CNNM1: variants seen among roughly 807,000 people sequenced by gnomAD.
CNNM1 encodes the protein cyclin and CBS domain divalent metal cation transport mediator 1.
In CNNM1, 44 loss-of-function variants were observed where a neutral mutation model predicts 78.8. The ratio of observed to expected loss-of-function variants is 0.56; its 90% CI spans 0.44 to 0.72. CNNM1 has a LOEUF of 0.72. CNNM1 is among the 30% of genes least tolerant of loss of function. CNNM1 has a pLI of 0.00. For missense variants in CNNM1, 1,101 were observed against 1,292.2 expected, an observed-to-expected ratio of 0.85 and a Z score of 2.27; for synonymous variants, 584 against 581.5, an observed-to-expected ratio of 1.00 and a Z score of -0.06.
In CNNM1 at chr10:99,330,074, G is replaced by A. The variant is rs1265768779; in HGVS notation, c.687G>A (p.Ala229=). 22 of 1,520,660 alleles carry A rather than the reference G, an allele frequency of 1.4e-5. No individual in the cohort carries two copies. Among genetic ancestry groups the A allele is most frequent in the East Asian group, 7.9e-5 (3 of 38,140 alleles). 94.2% of individuals were successfully genotyped at this position (1,520,660 alleles called of 1,614,324 possible). Residue 229 remains alanine, a synonymous_variant, in exon 1 of 11, where the codon GCG becomes GCA. Transcript: ENST00000356713. ...CTGCGTGGCTGCGGGCGCTCGGGGC[G>A]CTCCTGCTGCTAGCCTTGTCGGCCC... is the stretch of plus-strand genomic sequence containing the variant. ...LPPAWLRALG[A]LLLLALSALF... is the part of the protein sequence containing the mutation.
intron 6 of CNNM1, among the ~76,000 whole-genome samples, chr10:99,374,285 G>T (rs1360217672): frequency 1.3e-5 from 2 of 152,158 alleles, no homozygotes; most frequent in Admixed American, 1.3e-4. Context: ...AGTCACTCTG[G>T]AGAAGGGTCT....
chr10:99,387,065 A>C (rs936404160), intron 7 of CNNM1, among the ~76,000 whole-genome samples: 4 of 152,208 alleles, frequency 2.6e-5, no homozygotes, highest in African/African-American at 9.7e-5. Context: ...AAGGATTCAC[A>C]GTGCCAGTCT....
chr10:99,354,934 C>T (rs2134038144), intron 1 of CNNM1, among the ~76,000 whole-genome samples: 1 of 152,172 alleles, frequency 6.6e-6, no homozygotes, highest in South Asian at 2.1e-4. Flanking sequence ...ATGATCAGAT[C>T]AGTACAGAAG....
chr10:99,340,876 T>TCCTGCCTTCCTGCCTGCCTG (rs2030426631), intron 1 of CNNM1, among the ~76,000 whole-genome samples: 1 of 138,156 alleles, frequency 7.2e-6, no homozygotes, highest in East Asian at 2.1e-4. Context: ...CTTCCTTCCT[T>TCCTGCCTTCCTGCCTGCCTG]CCTGCCTGCC....
In CNNM1 at chr10:99,330,867, C is replaced by G. The variant is rs548353135; in HGVS notation, c.1480C>G (p.Pro494Ala). ...LAFVDPDDCT[P>A]LLTVTRFYNR... ...CTTCGTGGACCCCGACGACTGCACC[C>G]CGCTCCTCACTGTCACCCGCTTCTA... Residue 494 changes from proline (P) to alanine (A), a missense_variant, in exon 1 of 11, where the codon CCG becomes GCG. Transcript: ENST00000356713. 6.2e-7 allele frequency: 1 copy of G among 1,614,178 alleles called. No homozygotes were observed. The highest frequency in any genetic ancestry group is 1.1e-5 in the South Asian group (1 of 91,090).
Position 99,356,604 on chromosome 10 carries a change from G to GAAAGAAAT in CNNM1, c.1574-905_1574-904insGAAATAAA, listed in dbSNP as rs1469805680. 1.9e-4 allele frequency among the ~76,000 whole-genome samples: 12 copies of GAAAGAAAT among 64,760 alleles called. No individual in the cohort carries two copies. In the East Asian group the frequency reaches 6.6e-3, roughly 35 times the overall value. 42.5% of individuals were successfully genotyped at this position (64,760 alleles called of 152,430 possible). A position where few individuals can be genotyped will look rare whatever the true frequency, so the allele number is the denominator to read the frequency against. On this transcript the variant is annotated intron_variant, in intron 1 of 10. Transcript: ENST00000356713. Reference sequence around the variant, plus strand: ...AGAAAGAAAGAAAGAAAGAAAGAAAGAAAAGAAAGAAAGAAAGAAAAGAAA... The same window carrying GAAAGAAAT: ...AGAAAGAAAGAAAGAAAGAAAGAAAGAAAGAAATAAAAGAAAGAAAGAAAGAAAAGAAA...
At chr10:99,381,475 C>T (rs1317514489) in intron 7 of CNNM1, among the ~76,000 whole-genome samples, 1 of 150,996 alleles carries the variant, frequency 6.6e-6, no homozygotes, top group Admixed American at 6.6e-5. Flanking sequence ...GGCGCGGTGG[C>T]TCACACCTGT....
chr10:99,376,800 A>C (rs956809011), intron 6 of CNNM1, among the ~76,000 whole-genome samples: 1 of 152,116 alleles, frequency 6.6e-6, no homozygotes, highest in Admixed American at 6.5e-5. Context: ...AGCTGAGTGG[A>C]AGGGAGCCAT....
chr10:99,330,198 C>A lies in CNNM1; in HGVS notation c.811C>A (p.Arg271Ser). 1.3e-6 allele frequency: 2 copies of A among 1,510,706 alleles called. No homozygotes were observed. Among genetic ancestry groups the A allele is most frequent in the Non-Finnish European group, 1.8e-6 (2 of 1,134,234 alleles). The allele number at this position is 1,510,706 out of a possible 1,614,324, so 93.6% of individuals were successfully genotyped here. ...GGCCGCCGAGCAGGAGCAGGCGCGC[C>A]GCGTGCAGGCCGTTCGCGGCAGGGG... ...GSAAEQEQAR[R>S]VQAVRGRGTH... is the part of the protein sequence containing the mutation. The change falls in exon 1 of 11, where the codon CGC becomes AGC. Residue 271 changes from arginine to serine, a missense_variant. Around this residue, in one of 3 missense-constraint regions of CNNM1, gnomAD observed 476 missense variants for 484.5 expected, o/e 0.98. Coordinates refer to ENST00000356713, the MANE Select transcript of CNNM1 (RefSeq NM_020348.3).
chr10:99,361,482 ATG>A (rs2031433276), intron 3 of CNNM1, among the ~76,000 whole-genome samples: 1 of 152,254 alleles, frequency 6.6e-6, no homozygotes, highest in Admixed American at 6.5e-5. Flanking sequence ...TGCCTAATTA[ATG>A]TGCTGACCTA....
chr10:99,360,993 T>G lies in CNNM1; in HGVS notation c.1858+18T>G. 6.3e-7 allele frequency: 1 copy of G among 1,584,510 alleles called. No homozygotes were observed. The highest frequency in any genetic ancestry group is 8.6e-7 in the Non-Finnish European group (1 of 1,161,248). ...GGCCACAGGTAGGACAAGTCTCCAC[T>G]CCAGAGAAGCTAAAACAGAATCTCT... On this transcript the variant is annotated intron_variant, in intron 3 of 10. Coordinates refer to ENST00000356713, the MANE Select transcript of CNNM1 (RefSeq NM_020348.3).
At chr10:99,338,867 G>A (rs752183711) in intron 1 of CNNM1, among the ~76,000 whole-genome samples, 14 of 152,144 alleles carry the variant, frequency 9.2e-5, no homozygotes, top group Non-Finnish European at 1.6e-4. Flanking sequence ...TTCTTATAGG[G>A]TGGTATTTTT....
At chr10:99,373,424 A>C (rs1020286975) in intron 6 of CNNM1, among the ~76,000 whole-genome samples, 1 of 152,196 alleles carries the variant, frequency 6.6e-6, no homozygotes, top group South Asian at 2.1e-4. Flanking sequence ...GGGGCCAAAG[A>C]AGCTACTTTT....
chr10:99,378,483 G>T (rs1269480652), intron 7 of CNNM1, among the ~76,000 whole-genome samples: 1 of 152,160 alleles, frequency 6.6e-6, no homozygotes, highest in Non-Finnish European at 1.5e-5. Context: ...GTGTGTGCTG[G>T]CCGGTTTTCT....
At chr10:99,366,273 C>T (rs146292745) in intron 6 of CNNM1, among the ~76,000 whole-genome samples, 12 of 152,166 alleles carry the variant, frequency 7.9e-5, no homozygotes, top group East Asian at 7.7e-4. Flanking sequence ...GGGTGAGGGA[C>T]GGGCTACAGG....
chr10:99,388,169 C>T lies in CNNM1; in HGVS notation c.2542C>T (p.Leu848=). Residue 848 remains leucine, a synonymous_variant, in exon 9 of 11, where the codon CTG becomes TTG. Transcript: ENST00000356713. ...NSLPCSRSDG[L]RSPSEVVYLR... ...CTCCCCAGGCAGCCGCTCAGACGGG[C>T]TGAGAAGCCCCAGCGAGGTAGTGTA... is the stretch of plus-strand genomic sequence containing the variant. 1 of 1,613,734 alleles carries T rather than the reference C, an allele frequency of 6.2e-7. No individual in the cohort carries two copies. Among genetic ancestry groups the T allele is most frequent in the Non-Finnish European group, 8.5e-7 (1 of 1,179,838 alleles).
chr10:99,358,830 C>A lies in CNNM1; in HGVS notation c.1717+1175C>A, dbSNP rs1015355530. Among the ~76,000 whole-genome samples, 96 of 151,952 alleles carry A rather than the reference C, an allele frequency of 6.3e-4. No individual in the cohort carries two copies. In the Middle Eastern group the frequency reaches 0.01, roughly 16 times the overall value. On this transcript the variant is annotated intron_variant, in intron 2 of 10. Coordinates refer to ENST00000356713, the MANE Select transcript of CNNM1 (RefSeq NM_020348.3). ...CCTGGGCAACATGGTGAAACCCCAT[C>A]TCTACAAAAAATACAACAGTTAGCC...
At chr10:99,342,905 A>G (rs540622095) in intron 1 of CNNM1, among the ~76,000 whole-genome samples, 52 of 152,296 alleles carry the variant, frequency 3.4e-4, no homozygotes, top group African/African-American at 1.2e-3. Flanking sequence ...ATAAAAGCAT[A>G]AAATTTTAGA....
intron 2 of CNNM1, among the ~76,000 whole-genome samples, chr10:99,358,399 A>G (rs1200995862): frequency 6.6e-6 from 1 of 152,216 alleles, no homozygotes; most frequent in Non-Finnish European, 1.5e-5. Context: ...ATCTAAGTCC[A>G]TGGGAGTCCC....
Sources: gnomAD v4.1 joint callset for allele counts (sites outside exome capture counted in the v4.1 genomes callset) on GRCh38, gnomAD v4.1.1 for gene constraint, gnomAD v4.1.1 regional missense constraint, MANE v1.5 for transcripts, NCBI Gene and HGNC (gene_info 2026-07-23, HGNC 2026-07-21) for gene names.